TRAPPC9: variants seen among roughly 807,000 people sequenced by gnomAD.
TRAPPC9 encodes the protein trafficking protein particle complex subunit 9, also known as IKK2 binding protein.
A neutral mutation model predicts 124.0 loss-of-function variants in TRAPPC9; 83 were observed. The ratio of observed to expected loss-of-function variants is 0.67; its 90% confidence interval spans 0.56 to 0.80. The LOEUF (loss-of-function observed/expected upper bound fraction) is 0.80, where lower values mean the gene tolerates loss of function less well. TRAPPC9 is among the 30% of genes least tolerant of loss of function. TRAPPC9 has a pLI of 0.00. For synonymous variants in TRAPPC9, 638 were observed against 617.5 expected, an observed-to-expected ratio of 1.03 and a Z score of -0.49; for missense variants, 1,302 against 1,508.3, an observed-to-expected ratio of 0.86 and a Z score of 2.27.
intron 5 of TRAPPC9, among the ~76,000 whole-genome samples, chr8:140,411,781 A>G (rs1466022390): frequency 1.3e-5 from 2 of 152,236 alleles, no homozygotes; most frequent in African/African-American, 4.8e-5. Context: ...AAAGAATAAT[A>G]GCAATGGATT....
chr8:140,189,509 A>C (rs1317419418), intron 17 of TRAPPC9, among the ~76,000 whole-genome samples: 1 of 152,256 alleles, frequency 6.6e-6, no homozygotes, highest in East Asian at 1.9e-4. Flanking sequence ...GAAAATGCTT[A>C]TAACATAATT....
chr8:140,261,912 G>A (rs1031597847), intron 15 of TRAPPC9, among the ~76,000 whole-genome samples: 1 of 152,108 alleles, frequency 6.6e-6, no homozygotes, highest in South Asian at 2.1e-4. Context: ...GAAGGGGGAG[G>A]AGACAAACAT....
chr8:140,294,037 A>AG (rs2065736936), intron 11 of TRAPPC9, among the ~76,000 whole-genome samples: 1 of 152,116 alleles, frequency 6.6e-6, no homozygotes, highest in Non-Finnish European at 1.5e-5. Flanking sequence ...TCTACAAAAA[A>AG]GGAGAACCCA....
At chr8:139,912,117 T>G (rs1470760650) in intron 19 of TRAPPC9, among the ~76,000 whole-genome samples, 1 of 152,166 alleles carries the variant, frequency 6.6e-6, no homozygotes, top group African/African-American at 2.4e-5. Flanking sequence ...GAAAAAAGCA[T>G]AAAAAAGAAA....
intron 16 of TRAPPC9, among the ~76,000 whole-genome samples, chr8:140,232,201 G>A (rs2063616342): frequency 6.6e-6 from 1 of 152,100 alleles, no homozygotes; most frequent in African/African-American, 2.4e-5. Context: ...GCCTCCCAAA[G>A]TGCTGGGATT....
intron 19 of TRAPPC9, among the ~76,000 whole-genome samples, chr8:139,937,209 A>G (rs1460306017): frequency 6.6e-6 from 1 of 152,168 alleles, no homozygotes; most frequent in Non-Finnish European, 1.5e-5. Context: ...GAGTAACAGT[A>G]AAAGCTCTTT....
Position 139,788,589 on chromosome 8 carries a change from A to G in TRAPPC9, c.3056-56387T>C, listed in dbSNP as rs995412261. Among the ~76,000 whole-genome samples the G allele has an allele frequency of 6.6e-6, 1 of 152,176 alleles. No individual in the cohort carries two copies. Among genetic ancestry groups the G allele is most frequent in the Non-Finnish European group, 1.5e-5 (1 of 68,024 alleles). On this transcript the variant is annotated intron_variant, in intron 21 of 22. Coordinates refer to ENST00000438773, the MANE Select transcript of TRAPPC9 (RefSeq NM_001160372.4). This position sits in a 1 kb window ranked among gnomAD's most constrained non-coding sequence, Gnocchi z 4.9. ...TGGCATGGAGGTCCGTGGCCACTCC[A>G]CGACAGCCCATGAAGAACGGTACCC...
chr8:140,453,507 G>C (rs190232979), intron 1 of TRAPPC9, among the ~76,000 whole-genome samples: 1 of 38,740 alleles, frequency 2.6e-5, no homozygotes, highest in Non-Finnish European at 6.6e-5. Flanking sequence ...GTGTGTCGGG[G>C]GCTATCCTGG....
intron 18 of TRAPPC9, among the ~76,000 whole-genome samples, chr8:140,011,342 G>A (rs924220856): frequency 6.6e-5 from 10 of 150,534 alleles, no homozygotes; most frequent in Non-Finnish European, 7.4e-5. Context: ...GGTCAGTCTC[G>A]AAAAATTTAA....
chr8:140,300,183 G>A (rs374736413), intron 11 of TRAPPC9, among the ~76,000 whole-genome samples: 7 of 152,080 alleles, frequency 4.6e-5, no homozygotes, highest in East Asian at 1.9e-4. Flanking sequence ...GCACACACAC[G>A]CACACATCTG....
intron 19 of TRAPPC9, among the ~76,000 whole-genome samples, chr8:139,988,446 AGATGCCCG>A (rs1431644523): frequency 1.3e-5 from 2 of 152,036 alleles, no homozygotes; most frequent in Non-Finnish European, 2.9e-5. Context: ...TTAACAGCAA[AGATGCCCG>A]GATGCTGCTG....
intron 21 of TRAPPC9, among the ~76,000 whole-genome samples, chr8:139,872,481 T>C (rs1282227985): frequency 6.1e-5 from 8 of 130,416 alleles, no homozygotes; most frequent in South Asian, 2.9e-4. Context: ...GACGGATGGG[T>C]GGGCTGGTGG....
At chr8:140,321,398 C>G (rs1382067475) in intron 9 of TRAPPC9, among the ~76,000 whole-genome samples, 1 of 152,228 alleles carries the variant, frequency 6.6e-6, no homozygotes, top group Non-Finnish European at 1.5e-5. Context: ...GCCTCAAAAG[C>G]AGAGTTGCTG....
chr8:139,773,837 C>T (rs763072788), intron 21 of TRAPPC9, among the ~76,000 whole-genome samples: 127 of 152,330 alleles, frequency 8.3e-4, no homozygotes, highest in Non-Finnish European at 1.4e-3. Context: ...AGGCACCCTT[C>T]TAGAAAGAAA....
In TRAPPC9 at chr8:140,144,316, T is replaced by C. The variant is rs557047857; in HGVS notation, c.2556+77143A>G. 2.6e-4 allele frequency among the ~76,000 whole-genome samples: 40 copies of C among 152,358 alleles called. No homozygotes were observed. The East Asian group carries it at 5.4e-3, about 21-fold the overall frequency. On this transcript the variant is annotated intron_variant, in intron 17 of 22. Coordinates refer to ENST00000438773, the MANE Select transcript of TRAPPC9 (RefSeq NM_001160372.4). ...TATTGAGTCTTCTAATCCATGAATATGGTATATTTTGCTATTTCATCAGGT... is the reference window on the plus strand; with the variant it reads ...TATTGAGTCTTCTAATCCATGAATACGGTATATTTTGCTATTTCATCAGGT...
intron 18 of TRAPPC9, among the ~76,000 whole-genome samples, chr8:140,001,126 G>C (rs1219227268): frequency 2.0e-5 from 3 of 152,144 alleles, no homozygotes; most frequent in African/African-American, 4.8e-5. Flanking sequence ...GCAAACTATT[G>C]CAAGGACAGA....
At chr8:139,891,857 A>T (rs1172898100) in intron 20 of TRAPPC9, among the ~76,000 whole-genome samples, 1 of 152,186 alleles carries the variant, frequency 6.6e-6, no homozygotes, top group Non-Finnish European at 1.5e-5. Flanking sequence ...TCATCATGGC[A>T]TTACAAGGTA....
chr8:140,151,374 T>C (rs1417244982), intron 17 of TRAPPC9, among the ~76,000 whole-genome samples: 1 of 152,180 alleles, frequency 6.6e-6, no homozygotes, highest in Non-Finnish European at 1.5e-5. Flanking sequence ...AGGGCTGCTG[T>C]GATAAAGGCT....
chr8:139,867,183 A>C (rs1056254877), intron 21 of TRAPPC9, among the ~76,000 whole-genome samples: 1 of 152,186 alleles, frequency 6.6e-6, no homozygotes, highest in Admixed American at 6.5e-5. Flanking sequence ...GTGAGAAATG[A>C]GTGATATCAG....
Sources: allele counts gnomAD v4.1 joint callset (sites outside exome capture counted in the v4.1 genomes callset), GRCh38; gene constraint gnomAD v4.1.1; non-coding constraint Gnocchi (gnomAD v3.1); transcripts MANE v1.5; gene names NCBI Gene and HGNC (gene_info 2026-07-23, HGNC 2026-07-21).